The following METTL22 variants were observed in gnomAD, a reference collection of about 807,000 sequenced individuals.
METTL22 encodes methyltransferase-like protein 22.
A neutral mutation model predicts 48.4 loss-of-function variants in METTL22; 51 were observed. The observed-to-expected ratio is 1.05, with a 90% CI of 0.84 to 1.33. The LOEUF is 1.33. Among genes scored for constraint, METTL22 ranks in the 40% most tolerant of loss-of-function variants. The pLI is 0.00. For missense variants in METTL22, 678 were observed against 526.9 expected, an observed-to-expected ratio of 1.29 and a Z score of -2.81; for synonymous variants, 255 against 214.1, an observed-to-expected ratio of 1.19 and a Z score of -1.67.
At position 8,625,617 on chromosome 16, in the gene METTL22, T is replaced by C; in HGVS notation, c.-49T>C. On this transcript the variant is annotated 5_prime_UTR_variant, in exon 2 of 11. Transcript: ENST00000381920. The stretch of plus-strand genomic sequence containing the variant: ...GGGACCTGCCATGCTGAGGACCCAT[T>C]CTCACCTCTGAGGGACTCCTGTCCT... 6.2e-7 allele frequency: 1 copy of C among 1,608,318 alleles called. No homozygotes were observed. Among genetic ancestry groups the C allele is most frequent in the Non-Finnish European group, 8.5e-7 (1 of 1,176,842 alleles).
At chr16:8,650,407 C>G (rs909905648), downstream of METTL22, among the ~76,000 whole-genome samples, 8 of 152,176 alleles carry the variant, frequency 5.3e-5, no homozygotes, top group African/African-American at 1.9e-4. Flanking sequence ...ACAGCAATGA[C>G]CTTGGACAAA....
At chr16:8,637,466 C>G (rs2056457647) in intron 5 of METTL22, among the ~76,000 whole-genome samples, 1 of 152,222 alleles carries the variant, frequency 6.6e-6, no homozygotes, top group African/African-American at 2.4e-5. Flanking sequence ...CATTTAGATG[C>G]CATGTTCCAG....
chr16:8,649,407 G>C lies in METTL22; in HGVS notation c.*3264G>C, dbSNP rs1453325727. On this transcript the variant is annotated 3_prime_UTR_variant, in exon 11 of 11. Coordinates refer to ENST00000381920, the MANE Select transcript of METTL22 (RefSeq NM_024109.4). Reference sequence around the variant, plus strand: ...GCTAGGTAATTAGCCCAGGCCAGTGGACTCAATTTTTTTATAACATTTTCA... The same window carrying C: ...GCTAGGTAATTAGCCCAGGCCAGTGCACTCAATTTTTTTATAACATTTTCA... The C allele has an allele frequency of 6.6e-6, 1 of 152,120 alleles. No individual in the cohort carries two copies. Among genetic ancestry groups the C allele is most frequent in the African/African-American group, 2.4e-5 (1 of 41,412 alleles). The allele number at this position is 152,120 out of a possible 1,614,324, so 9.4% of individuals were successfully genotyped here. A position where few individuals can be genotyped will look rare whatever the true frequency, so the allele number is the denominator to read the frequency against.
the METTL22 span, among the ~76,000 whole-genome samples, chr16:8,664,503 G>A: frequency 6.6e-6 from 1 of 151,884 alleles, no homozygotes; most frequent in African/African-American, 2.4e-5. Flanking sequence ...ACCCAGCCTG[G>A]AGTGCAGTGA....
intron 9 of METTL22, among the ~76,000 whole-genome samples, chr16:8,644,080 ACT>A (rs1567245804): frequency 6.6e-6 from 1 of 151,184 alleles, no homozygotes; most frequent in African/African-American, 2.4e-5. Flanking sequence ...GAAGGTGCTC[ACT>A]CTCTGAAATC....
intron 1 of METTL22, among the ~76,000 whole-genome samples, chr16:8,624,436 G>A (rs1338481803): frequency 1.3e-5 from 2 of 150,192 alleles, no homozygotes; most frequent in African/African-American, 4.9e-5. Flanking sequence ...GCAGAGTGCA[G>A]TGACGCATTC....
chr16:8,627,173 AATGCAG>A lies in METTL22; in HGVS notation c.133+1378_133+1383del, dbSNP rs1352734327. Among the ~76,000 whole-genome samples, 7 of 152,204 alleles carry A rather than the reference AATGCAG, an allele frequency of 4.6e-5. No individual in the cohort carries two copies. The East Asian group carries it at 1.4e-3, about 29-fold the overall frequency. On this transcript the variant is annotated intron_variant, in intron 2 of 10. Transcript: ENST00000381920. ...GCAGCAGCCAAGGACGTCTTTTGAA[AATGCAG>A]ATCAAATCACAGCACTTCCTGAGTT...
chr16:8,643,423 T>C (rs1176970091), intron 9 of METTL22, among the ~76,000 whole-genome samples: 4 of 152,200 alleles, frequency 2.6e-5, no homozygotes, highest in South Asian at 2.1e-4. Context: ...TGTTAAACTT[T>C]AGTTGAAGAG....
the METTL22 span, among the ~76,000 whole-genome samples, chr16:8,662,177 G>C: frequency 6.9e-6 from 1 of 145,676 alleles, no homozygotes; most frequent in East Asian, 2.0e-4. Context: ...AGGAGTTTGA[G>C]GTTACAGTGA....
At chr16:8,655,287 C>T in the METTL22 span, among the ~76,000 whole-genome samples, 490 of 152,256 alleles carry the variant, frequency 3.2e-3, 2 homozygotes, top group African/African-American at 0.011. Flanking sequence ...AGAGTGGATC[C>T]ACATTGAGGC....
In METTL22 at chr16:8,640,965, G is replaced by GCTGT. The variant is rs1481087938; in HGVS notation, c.773-163_773-162insTCTG. ...GGATGGGTGGGTGGATGGCTGGCTG[G>GCTGT]CTGGCTGGCTGGCTGGCTGTAAAGA... On this transcript the variant is annotated intron_variant, in intron 6 of 10. Coordinates refer to ENST00000381920, the MANE Select transcript of METTL22 (RefSeq NM_024109.4). Among the ~76,000 whole-genome samples the GCTGT allele has an allele frequency of 1.6e-3, 136 of 86,482 alleles. 12 individuals are homozygous for GCTGT. The highest frequency in any genetic ancestry group is 2.3e-3 in the African/African-American group (61 of 26,946). The allele number at this position is 86,482 out of a possible 152,430, so 56.7% of individuals were successfully genotyped here.
intron 5 of METTL22, among the ~76,000 whole-genome samples, chr16:8,636,489 C>G (rs554904192): frequency 6.9e-6 from 1 of 145,438 alleles, no homozygotes; most frequent in Non-Finnish European, 1.5e-5. Flanking sequence ...CCACTGCACT[C>G]CAGTCTGGGC....
At chr16:8,656,557 G>T in the METTL22 span, among the ~76,000 whole-genome samples, 1 of 152,226 alleles carries the variant, frequency 6.6e-6, no homozygotes, top group East Asian at 1.9e-4. Context: ...CAGCTGTGTG[G>T]GCTGTGAAGA....
the METTL22 span, among the ~76,000 whole-genome samples, chr16:8,659,513 C>A: frequency 1.3e-5 from 2 of 152,032 alleles, no homozygotes; most frequent in Non-Finnish European, 2.9e-5. Context: ...CAGCAGGGAG[C>A]CAGGCATTAC....
chr16:8,651,530 G>A (rs547088397), downstream of METTL22, among the ~76,000 whole-genome samples: 35 of 152,238 alleles, frequency 2.3e-4, no homozygotes, highest in African/African-American at 7.7e-4. Context: ...GCACCTTGCA[G>A]CCTGTGTGAT....
Position 8,647,139 on chromosome 16 carries a change from CTTCTCCCCA to C in METTL22, c.*997_*1005del, listed in dbSNP as rs1567250696. On this transcript the variant is annotated 3_prime_UTR_variant, in exon 11 of 11. Transcript: ENST00000381920. ...CATGCACTGTCCCTGCCCACACTCG[CTTCTCCCCA>C]AGCTCCCAGGTTCCATCCCTAGGCC... 1 of 177,188 alleles carries C rather than the reference CTTCTCCCCA, an allele frequency of 5.6e-6. No individual in the cohort carries two copies. The highest frequency in any genetic ancestry group is 1.5e-4 in the East Asian group (1 of 6,670). The allele number at this position is 177,188 out of a possible 1,614,324, so 11.0% of individuals were successfully genotyped here.
chr16:8,667,067 A>C, the METTL22 span: 1 of 151,844 alleles, frequency 6.6e-6, no homozygotes, highest in African/African-American at 2.4e-5. Flanking sequence ...AAGTGCTGGG[A>C]TTACAGGCCT....
intron 3 of METTL22, among the ~76,000 whole-genome samples, chr16:8,633,971 G>A (rs2056346960): frequency 6.6e-6 from 1 of 152,206 alleles, no homozygotes; most frequent in Non-Finnish European, 1.5e-5. Context: ...TGCATCAGGT[G>A]GTTCGGCAGG....
chr16:8,658,827 C>T, the METTL22 span, among the ~76,000 whole-genome samples: 544 of 152,300 alleles, frequency 3.6e-3, 3 homozygotes, highest in African/African-American at 0.012. Flanking sequence ...GCAGGGCCCA[C>T]AAGGCCCTCC....
Sources: gnomAD v4.1 joint callset for allele counts (sites outside exome capture counted in the v4.1 genomes callset) on GRCh38, gnomAD v4.1.1 for gene constraint, MANE v1.5 for transcripts, NCBI Gene and HGNC (gene_info 2026-07-23, HGNC 2026-07-21) for gene names.